ZNF710: variants seen among roughly 807,000 people sequenced by gnomAD.
ZNF710 encodes the protein zinc finger protein 710.
ZNF710 carries 13 observed loss-of-function variants against 50.6 expected under a neutral mutation model. The observed-to-expected ratio is 0.26, with a 90% CI of 0.17 to 0.41. The LOEUF is 0.41. ZNF710 is among the 10% of genes least tolerant of loss of function. The probability of loss-of-function intolerance (pLI) is 1.00; values close to 1 mark genes in which losing one functional copy is unlikely to be tolerated. For synonymous variants in ZNF710, 383 were observed against 397.0 expected, an observed-to-expected ratio of 0.96 and a Z score of 0.42; for missense variants, 721 against 936.6, an observed-to-expected ratio of 0.77 and a Z score of 3.01.
At chr15:90,001,906 AG>A (rs1167880472) in intron 1 of ZNF710, among the ~76,000 whole-genome samples, 1 of 12,532 alleles carries the variant, frequency 8.0e-5, no homozygotes, top group Non-Finnish European at 1.8e-4. Flanking sequence ...GAGGAGGGGG[AG>A]GGGGAAGGGA....
chr15:90,057,428 G>C (rs1199104920), intron 1 of ZNF710, among the ~76,000 whole-genome samples: 1 of 152,022 alleles, frequency 6.6e-6, no homozygotes, highest in Non-Finnish European at 1.5e-5. Flanking sequence ...GGGCACGGTG[G>C]CTCACACCTA....
intron 1 of ZNF710, among the ~76,000 whole-genome samples, chr15:90,013,016 ATTG>A (rs1202173832): frequency 6.6e-6 from 1 of 152,110 alleles, no homozygotes. Flanking sequence ...TTATAGTTGT[ATTG>A]TTTGATGCTT....
At position 90,081,029 on chromosome 15, in the gene ZNF710, C is replaced by T. The variant is rs1900708934; in HGVS notation, c.*1200C>T. 1 of 152,254 alleles carries T rather than the reference C, an allele frequency of 6.6e-6. No individual in the cohort carries two copies. 9.4% of individuals were successfully genotyped at this position (152,254 alleles called of 1,614,324 possible). A position where few individuals can be genotyped will look rare whatever the true frequency, so the allele number is the denominator to read the frequency against. On this transcript the variant is annotated 3_prime_UTR_variant, in exon 5 of 5. Coordinates refer to ENST00000268154, the MANE Select transcript of ZNF710 (RefSeq NM_198526.4). The stretch of plus-strand genomic sequence containing the variant: ...ACTGGGGCTCCATGGGGACTGTCAC[C>T]CTGGCCCTGGAGGTGCAGCCGCTGG...
chr15:90,070,312 T>C (rs1900332651), intron 2 of ZNF710, among the ~76,000 whole-genome samples: 1 of 151,702 alleles, frequency 6.6e-6, no homozygotes, highest in Admixed American at 6.6e-5. Context: ...ATTGCTCCTA[T>C]TAATAGCCAC....
At chr15:90,037,370 G>A (rs1899160429) in intron 1 of ZNF710, among the ~76,000 whole-genome samples, 2 of 152,188 alleles carry the variant, frequency 1.3e-5, no homozygotes, top group Admixed American at 6.5e-5. Flanking sequence ...TTTCGAAAGT[G>A]TCAGGAACCG....
intron 1 of ZNF710, among the ~76,000 whole-genome samples, chr15:90,058,884 C>T (rs1325498258): frequency 6.6e-6 from 1 of 152,104 alleles, no homozygotes; most frequent in Admixed American, 6.5e-5. Context: ...CTCTGGGAAG[C>T]CTCAATGTTT....
chr15:90,010,454 A>G (rs1002795119), intron 1 of ZNF710, among the ~76,000 whole-genome samples: 1 of 151,884 alleles, frequency 6.6e-6, no homozygotes, highest in African/African-American at 2.4e-5. Flanking sequence ...ACAGCTGGCT[A>G]ATTTTTATTT....
intron 1 of ZNF710, among the ~76,000 whole-genome samples, chr15:90,057,904 G>A (rs962955997): frequency 2.0e-5 from 3 of 152,090 alleles, no homozygotes; most frequent in African/African-American, 7.2e-5. Flanking sequence ...GTTTGTGTCT[G>A]AGAAGTCACA....
chr15:90,022,446 G>C (rs955644750), intron 1 of ZNF710, among the ~76,000 whole-genome samples: 1 of 152,218 alleles, frequency 6.6e-6, no homozygotes, highest in Non-Finnish European at 1.5e-5. Context: ...GGACACACTT[G>C]AGGAGTCCGA....
intron 1 of ZNF710, among the ~76,000 whole-genome samples, chr15:90,004,971 C>A (rs61170272): frequency 6.6e-6 from 1 of 152,192 alleles, no homozygotes; most frequent in African/African-American, 2.4e-5. Context: ...GTTTAGTCAT[C>A]GGGATTTTCT....
intron 1 of ZNF710, among the ~76,000 whole-genome samples, chr15:90,045,118 G>T (rs953998149): frequency 6.6e-6 from 1 of 152,132 alleles, no homozygotes; most frequent in African/African-American, 2.4e-5. Context: ...CATCTCCTGG[G>T]AGTTGTATGT....
intron 1 of ZNF710, among the ~76,000 whole-genome samples, chr15:90,049,005 G>A (rs945924688): frequency 7.9e-5 from 12 of 152,118 alleles, no homozygotes; most frequent in Admixed American, 4.6e-4. Context: ...CCAAGTGTTC[G>A]TCCTCTCCCC....
At chr15:90,054,648 G>A (rs141401329) in intron 1 of ZNF710, among the ~76,000 whole-genome samples, 6 of 152,328 alleles carry the variant, frequency 3.9e-5, no homozygotes, top group Admixed American at 6.5e-5. Context: ...AAGTTCAAGC[G>A]CAGTGAATGG....
intron 1 of ZNF710, among the ~76,000 whole-genome samples, chr15:90,066,542 A>C (rs1432926304): frequency 7.2e-6 from 1 of 138,352 alleles, no homozygotes; most frequent in African/African-American, 2.7e-5. Context: ...CAGTGGCGCG[A>C]TCTCGGCTCA....
rs1047613515 is a variant in ZNF710, at chr15:90,065,235, G to C, written c.-28-1875G>C. Among the ~76,000 whole-genome samples the C allele has an allele frequency of 2.6e-5, 4 of 152,168 alleles. No individual in the cohort carries two copies. The South Asian group carries it at 8.3e-4, about 32-fold the overall frequency. ...GGGAAGCTCCGCTGGGCGCTGGGGG[G>C]AGGGGGACGCCTTGCCCGGAGCCGG... On this transcript the variant is annotated intron_variant, in intron 1 of 4. Transcript: ENST00000268154.
intron 1 of ZNF710, among the ~76,000 whole-genome samples, chr15:90,030,653 C>G (rs1301850146): frequency 2.6e-5 from 4 of 151,820 alleles, no homozygotes; most frequent in Admixed American, 2.0e-4. Flanking sequence ...ACCTTCCCAA[C>G]AGGGCAGTCA....
chr15:90,070,922 T>A (rs142580908), intron 2 of ZNF710, among the ~76,000 whole-genome samples: 1 of 152,222 alleles, frequency 6.6e-6, no homozygotes, highest in African/African-American at 2.4e-5. Context: ...TGACAGCATA[T>A]ATGCTATATA....
intron 1 of ZNF710, among the ~76,000 whole-genome samples, chr15:90,042,528 C>T (rs1899329262): frequency 6.6e-6 from 1 of 152,198 alleles, no homozygotes; most frequent in Non-Finnish European, 1.5e-5. Flanking sequence ...CAGTCTTCCT[C>T]CACTCAGCCT....
At chr15:90,030,416 A>G (rs1898904035) in intron 1 of ZNF710, among the ~76,000 whole-genome samples, 1 of 149,638 alleles carries the variant, frequency 6.7e-6, no homozygotes. Context: ...GGAAGGAGGG[A>G]TGGGTTTCAA....
Sources: gnomAD v4.1 joint callset for allele counts (sites outside exome capture counted in the v4.1 genomes callset) on GRCh38, gnomAD v4.1.1 for gene constraint, MANE v1.5 for transcripts, NCBI Gene and HGNC (gene_info 2026-07-23, HGNC 2026-07-21) for gene names.